TMBIM6: variants seen among roughly 807,000 people sequenced by gnomAD.
TMBIM6 encodes bax inhibitor 1.
A neutral mutation model predicts 31.4 loss-of-function variants in TMBIM6; 13 were observed. The observed-to-expected ratio is 0.41, with a 90% CI of 0.27 to 0.66. The LOEUF (loss-of-function observed/expected upper bound fraction) is 0.66. TMBIM6 is among the 30% of genes least tolerant of loss of function. The pLI, the probability that TMBIM6 is intolerant of heterozygous loss-of-function variation, is 0.28. For synonymous variants in TMBIM6, 85 were observed against 101.7 expected (o/e 0.84, Z 0.99); for missense variants, 275 against 289.5 (o/e 0.95, Z 0.36).
At chr12:49,745,079 G>A (rs1044564372) in intron 1 of TMBIM6, among the ~76,000 whole-genome samples, 1 of 152,290 alleles carries the variant, frequency 6.6e-6, no homozygotes, top group South Asian at 2.1e-4. Context: ...AGGGAGAGGC[G>A]GGGACATCTA....
Position 49,756,142 on chromosome 12 carries a change from C to CT in TMBIM6, c.286+396dup, listed in dbSNP as rs1202617534. On this transcript the variant is annotated intron_variant, in intron 4 of 9. Transcript: ENST00000267115. The stretch of plus-strand genomic sequence containing the variant: ...GCCACCGTGCCTGGCCCTTTTTTTC[C>CT]TTTTTTTTTGAGACAGTGTCTCCGT... Among the ~76,000 whole-genome samples, 101 of 146,792 alleles carry CT rather than the reference C, an allele frequency of 6.9e-4. 1 individual carries two copies. Among genetic ancestry groups the CT allele is most frequent in the East Asian group, 2.1e-3 (10 of 4,852 alleles).
rs1307910170 is a variant in TMBIM6, at chr12:49,764,071, T to C, written c.*1175T>C. 6.6e-6 allele frequency: 1 copy of C among 152,204 alleles called. No individual in the cohort carries two copies. The highest frequency in any genetic ancestry group is 1.5e-5 in the Non-Finnish European group (1 of 68,038). 9.4% of individuals were successfully genotyped at this position (152,204 alleles called of 1,614,324 possible). On this transcript the variant is annotated 3_prime_UTR_variant, in exon 10 of 10. Coordinates refer to ENST00000267115, the MANE Select transcript of TMBIM6 (RefSeq NM_003217.3). ...ACTTTAGTTTTTGGTCTGTTACCTG[T>C]TTTCCAGAAATTTGTGGCCTTTTAG...
chr12:49,758,651 C>G, intron 6 of TMBIM6, 32 bp from the exon 7 acceptor site: 12 of 1,610,748 alleles, frequency 7.4e-6, no homozygotes, highest in Non-Finnish European at 9.3e-6. Context: ...GCCTTGGCTT[C>G]TCTCAAGACA....
intron 3 of TMBIM6, among the ~76,000 whole-genome samples, chr12:49,754,999 C>A (rs1013083321): frequency 1.8e-4 from 28 of 152,068 alleles, no homozygotes; most frequent in Non-Finnish European, 5.9e-5. Flanking sequence ...TCTTGTTGCC[C>A]AGGCTGAAGT....
Position 49,747,029 on chromosome 12 carries a change from G to T in TMBIM6, c.-31+5418G>T, listed in dbSNP as rs529650625. 4.6e-5 allele frequency among the ~76,000 whole-genome samples: 7 copies of T among 152,014 alleles called. No individual in the cohort carries two copies. The South Asian group carries it at 6.3e-4, about 14-fold the overall frequency. ...TTTTGTATTTTTTTACTAGAGACTG[G>T]GTGTCACCATGTTGGCCAGGTTGGT... On this transcript the variant is annotated intron_variant, in intron 1 of 9. Coordinates refer to ENST00000267115, the MANE Select transcript of TMBIM6 (RefSeq NM_003217.3).
intron 4 of TMBIM6, 153 bp from the exon 5 acceptor site, chr12:49,758,074 G>T (rs1592731023): frequency 4.0e-5 from 30 of 759,328 alleles, no homozygotes; most frequent in Middle Eastern, 3.8e-4. Flanking sequence ...ACATTTTATT[G>T]AAAACAATTA....
At chr12:49,752,660 A>G (rs1945516967) in intron 2 of TMBIM6, 111 bp downstream of exon 2, 2 of 922,348 alleles carry the variant, frequency 2.2e-6, no homozygotes, top group African/African-American at 1.6e-5. Context: ...TAACTTGGCC[A>G]GAATCCAGAG....
In TMBIM6 at chr12:49,758,235, C is replaced by G. The variant is rs1211347838; in HGVS notation, c.295C>G (p.Leu99Val). 2 of 1,614,256 alleles carry G rather than the reference C, an allele frequency of 1.2e-6. No individual in the cohort carries two copies. Among genetic ancestry groups the G allele is most frequent in the African/African-American group, 2.7e-5 (2 of 75,068 alleles). ...AGFAFLTGVG[L>V]GPALEFCIAV... ...GGTTTTCTGTTTTCTAGGAGTTGGC[C>G]TGGGCCCTGCCCTGGAGTTTTGTAT... The change falls in exon 5 of 10, where the codon CTG (leucine) becomes GTG (valine). Residue 99 changes from leucine (L) to valine (V), a missense_variant. Physicochemically the swap from Leu to Val is conservative, Grantham distance 32. Coordinates refer to ENST00000267115, the MANE Select transcript of TMBIM6 (RefSeq NM_003217.3).
At chr12:49,751,906 G>T (rs1945501401) in intron 1 of TMBIM6, among the ~76,000 whole-genome samples, 2 of 151,788 alleles carry the variant, frequency 1.3e-5, no homozygotes, top group Non-Finnish European at 2.9e-5. Context: ...GGGATTACAG[G>T]TGTGTGCCAA....
At position 49,741,712 on chromosome 12, in the gene TMBIM6, C is replaced by G. The variant is rs997828778; in HGVS notation, c.-31+101C>G. 1.9e-5 allele frequency: 4 copies of G among 205,962 alleles called. No individual in the cohort carries two copies. The Admixed American group carries it at 2.1e-4, about 11-fold the overall frequency. 12.8% of individuals were successfully genotyped at this position (205,962 alleles called of 1,614,324 possible). On this transcript the variant is annotated intron_variant, in intron 1 of 9. Transcript: ENST00000267115. ...AGTGGCAGTAGCTTCCTTCTGCGGACAGATGGCACCCTGAAGGAACGAGGC... is the reference window on the plus strand; with the variant it reads ...AGTGGCAGTAGCTTCCTTCTGCGGAGAGATGGCACCCTGAAGGAACGAGGC...
rs146383995 is a variant in TMBIM6, at chr12:49,742,470, G to T, written c.-31+859G>T. 8.4e-3 allele frequency: 5,962 copies of T among 708,104 alleles called. 37 individuals are homozygous for T. Among genetic ancestry groups the T allele is most frequent in the Non-Finnish European group, 0.01 (4,914 of 474,794 alleles). 43.9% of individuals were successfully genotyped at this position (708,104 alleles called of 1,614,324 possible). Reference sequence around the variant, plus strand: ...ACCCGGTGCCAGCCCGGGCTGCTTGGGGTCATCAGCCTTTCATTGACCACC... The same window carrying T: ...ACCCGGTGCCAGCCCGGGCTGCTTGTGGTCATCAGCCTTTCATTGACCACC... On this transcript the variant is annotated intron_variant, in intron 1 of 9. Coordinates refer to ENST00000267115, the MANE Select transcript of TMBIM6 (RefSeq NM_003217.3).
chr12:49,742,439 AT>A, intron 1 of TMBIM6: 1 of 1,038,846 alleles, frequency 9.6e-7, no homozygotes, highest in Non-Finnish European at 1.3e-6. Context: ...TGAGTGTAGA[AT>A]TACTACCCGG....
rs770790628 is a variant in TMBIM6 at position 49,758,386 on chromosome 12, C to T, written c.339C>T (p.Ile113=). 1 of 1,614,192 alleles carries T rather than the reference C, an allele frequency of 6.2e-7. No individual in the cohort carries two copies. Among genetic ancestry groups the T allele is most frequent in the Admixed American group, 1.7e-5 (1 of 60,016 alleles). ...TAATGGTCTTTTTTTCTAACAGCAT[C>T]CTTCCCACTGCTTTCATGGGCACGG... is the stretch of plus-strand genomic sequence containing the variant. ...LEFCIAVNPS[I]LPTAFMGTAM... is the part of the protein sequence containing the mutation. Residue 113 remains isoleucine (I), a synonymous_variant, in exon 6 of 10, where the codon ATC becomes ATT. Coordinates refer to ENST00000267115, the MANE Select transcript of TMBIM6 (RefSeq NM_003217.3).
chr12:49,753,215 T>C (rs1945528739), intron 3 of TMBIM6, 134 bp downstream of exon 3: 1 of 643,650 alleles, frequency 1.6e-6, no homozygotes, highest in Non-Finnish European at 2.6e-6. Context: ...ACTCAGACAT[T>C]AAATCAGGAC....
At chr12:49,758,594 A>G (rs1177812304) in intron 6 of TMBIM6, 89 bp from the exon 7 acceptor site, 2 of 1,556,794 alleles carry the variant, frequency 1.3e-6, no homozygotes, top group Non-Finnish European at 1.8e-6. Flanking sequence ...ATTAACCTTC[A>G]TTCTGGGGGA....
chr12:49,761,632 A>T (rs1174375926), intron 8 of TMBIM6, 72 bp from the exon 9 acceptor site: 34 of 1,461,334 alleles, frequency 2.3e-5, no homozygotes, highest in Non-Finnish European at 3.2e-5. Flanking sequence ...TGGGGTTTAT[A>T]TTCTGCATCT....
At chr12:49,752,334 T>C (rs571289497) in intron 1 of TMBIM6, 130 bp from the exon 2 acceptor site, 1 of 538,866 alleles carries the variant, frequency 1.9e-6, no homozygotes, top group Non-Finnish European at 3.2e-6. Flanking sequence ...TAAAAATGGT[T>C]GTGTTAGGGC....
chr12:49,762,032 C>T (rs1945729788), intron 9 of TMBIM6: 4 of 477,316 alleles, frequency 8.4e-6, no homozygotes, highest in Non-Finnish European at 1.5e-5. Flanking sequence ...GTAAACACAA[C>T]CTGCTACATG....
Position 49,759,315 on chromosome 12 carries a change from A to T in TMBIM6, c.608A>T (p.Tyr203Phe), listed in dbSNP as rs765950501. Residue 203 changes from tyrosine (Y) to phenylalanine (F), a missense_variant, in exon 8 of 10, where the codon TAT becomes TTT. Tyr to Phe is a conservative substitution (Grantham distance 22, BLOSUM62 3). Transcript: ENST00000267115. ...IEKAEHGDQD[Y>F]IWHCIDLFLD... Reference sequence around the variant, plus strand: ...AAGGCCGAACATGGAGATCAAGATTATATCTGGTGAGTGTGGGAACTAGTC... The same window carrying T: ...AAGGCCGAACATGGAGATCAAGATTTTATCTGGTGAGTGTGGGAACTAGTC... 2 of 1,613,244 alleles carry T rather than the reference A, an allele frequency of 1.2e-6. No homozygotes were observed. Among genetic ancestry groups the T allele is most frequent in the Non-Finnish European group, 1.7e-6 (2 of 1,179,220 alleles).
Sources: allele counts gnomAD v4.1 joint callset (sites outside exome capture counted in the v4.1 genomes callset), GRCh38; gene constraint gnomAD v4.1.1; transcripts MANE v1.5; gene names NCBI Gene and HGNC (gene_info 2026-07-23, HGNC 2026-07-21).